Variants in HS2ST1 observed in about 807,000 individuals in gnomAD.
HS2ST1 encodes heparan sulfate 2-O-sulfotransferase 1, also known as 2-O-sulfotransferase.
In HS2ST1, 18 loss-of-function variants were observed where a neutral mutation model predicts 42.9. The observed-to-expected ratio is 0.42, with a 90% CI of 0.29 to 0.62. HS2ST1 has a LOEUF of 0.62. HS2ST1 is among the 20% of genes least tolerant of loss of function. The pLI, the probability that HS2ST1 is intolerant of heterozygous loss-of-function variation, is 0.21. For synonymous variants in HS2ST1, 146 were observed against 152.9 expected (o/e 0.95, Z 0.33); for missense variants, 334 against 433.8 (o/e 0.77, Z 2.04).
intron 1 of HS2ST1, 123 bp downstream of exon 1, chr1:86,915,283 A>T: frequency 9.0e-7 from 1 of 1,115,842 alleles, no homozygotes; most frequent in South Asian, 1.6e-5. Flanking sequence ...GGTTTCAAAG[A>T]GAACCGGGAA....
At chr1:86,998,695 T>G (rs1161922390) in intron 1 of HS2ST1, among the ~76,000 whole-genome samples, 1 of 152,210 alleles carries the variant, frequency 6.6e-6, no homozygotes, top group African/African-American at 2.4e-5. Flanking sequence ...AAATCAGAAT[T>G]TATCTTACTT....
At chr1:87,022,546 T>A (rs1432199523) in intron 1 of HS2ST1, among the ~76,000 whole-genome samples, 1 of 152,114 alleles carries the variant, frequency 6.6e-6, no homozygotes, top group African/African-American at 2.4e-5. Flanking sequence ...AATGGCTAAG[T>A]ACATGAATGG....
At position 86,914,917 on chromosome 1, in the gene HS2ST1, C is replaced by T. The variant is rs970490055; in HGVS notation, c.-120C>T. 3.9e-6 allele frequency: 5 copies of T among 1,275,502 alleles called. No homozygotes were observed. In the African/African-American group the frequency reaches 4.5e-5, roughly 11 times the overall value. 79.0% of individuals were successfully genotyped at this position (1,275,502 alleles called of 1,614,324 possible). On this transcript the variant is annotated 5_prime_UTR_variant, in exon 1 of 7. Coordinates refer to ENST00000370550, the MANE Select transcript of HS2ST1 (RefSeq NM_012262.4). The stretch of plus-strand genomic sequence containing the variant: ...AGGGGGGTCGCTGCGGTGGTTCTCT[C>T]GCTGTCGCTCTCTCTTTGCCTCGCT...
chr1:86,935,971 G>T (rs558038079), intron 1 of HS2ST1, among the ~76,000 whole-genome samples: 3 of 152,116 alleles, frequency 2.0e-5, no homozygotes, highest in Non-Finnish European at 4.4e-5. Flanking sequence ...ATCGATGGTG[G>T]TATGATACTA....
intron 1 of HS2ST1, among the ~76,000 whole-genome samples, chr1:86,933,931 C>T (rs774096315): frequency 8.5e-5 from 13 of 152,116 alleles, no homozygotes; most frequent in East Asian, 1.9e-4. Flanking sequence ...AAGTAGGTTC[C>T]GAGGCTTGTA....
chr1:86,948,407 G>A (rs1309441291), intron 1 of HS2ST1, among the ~76,000 whole-genome samples: 1 of 152,130 alleles, frequency 6.6e-6, no homozygotes, highest in Non-Finnish European at 1.5e-5. Context: ...TCCCACTTCG[G>A]CCTGAGTCTA....
intron 1 of HS2ST1, among the ~76,000 whole-genome samples, chr1:86,942,788 T>G (rs1660790387): frequency 6.6e-6 from 1 of 152,178 alleles, no homozygotes; most frequent in South Asian, 2.1e-4. Flanking sequence ...TTTATACTGT[T>G]TATTTAAAAC....
At chr1:87,003,693 A>G (rs967916725) in intron 1 of HS2ST1, among the ~76,000 whole-genome samples, 5 of 135,652 alleles carry the variant, frequency 3.7e-5, no homozygotes, top group African/African-American at 1.1e-4. Context: ...TTGCTTCTGT[A>G]CTGAAGATGT....
At chr1:86,937,808 G>A (rs1660687696) in intron 1 of HS2ST1, among the ~76,000 whole-genome samples, 1 of 148,538 alleles carries the variant, frequency 6.7e-6, no homozygotes, top group Non-Finnish European at 1.5e-5. Flanking sequence ...ATTTCTTTAG[G>A]TACCTTTATC....
At chr1:86,964,965 A>T (rs967747452) in intron 1 of HS2ST1, among the ~76,000 whole-genome samples, 4 of 152,202 alleles carry the variant, frequency 2.6e-5, no homozygotes, top group African/African-American at 7.2e-5. Context: ...TAGTTTACTC[A>T]TTCTAGATCT....
intron 2 of HS2ST1, among the ~76,000 whole-genome samples, chr1:87,081,970 C>CAAA (rs1041749210): frequency 1.6e-5 from 1 of 62,704 alleles, no homozygotes; most frequent in Non-Finnish European, 3.2e-5. Context: ...GACTCCGTCT[C>CAAA]AAAAAAAAAA....
chr1:86,921,204 G>C (rs1234582172), intron 1 of HS2ST1, among the ~76,000 whole-genome samples: 1 of 152,080 alleles, frequency 6.6e-6, no homozygotes, highest in Non-Finnish European at 1.5e-5. Flanking sequence ...ATGGTGTTTT[G>C]TATTCTTGAT....
At chr1:87,065,788 G>A (rs1051507004) in intron 1 of HS2ST1, among the ~76,000 whole-genome samples, 1 of 152,128 alleles carries the variant, frequency 6.6e-6, no homozygotes, top group African/African-American at 2.4e-5. Flanking sequence ...TGTTATTATT[G>A]CTGATTTCTG....
At chr1:86,997,720 A>AGT (rs1649149815) in intron 1 of HS2ST1, among the ~76,000 whole-genome samples, 2 of 152,192 alleles carry the variant, frequency 1.3e-5, no homozygotes, top group African/African-American at 4.8e-5. Context: ...CTCTATGTGC[A>AGT]GTGTCAGTTA....
chr1:86,954,744 G>T (rs543300963), intron 1 of HS2ST1, among the ~76,000 whole-genome samples: 11 of 152,168 alleles, frequency 7.2e-5, no homozygotes, highest in Admixed American at 3.3e-4. Flanking sequence ...GGAAAAATAG[G>T]ATCAGTATAA....
In HS2ST1 at chr1:87,046,713, G is replaced by C. The variant is rs1217816254; in HGVS notation, c.125-26221G>C. The C allele has an allele frequency of 5.8e-6, 6 of 1,028,516 alleles. No individual in the cohort carries two copies. The African/African-American group carries it at 2.4e-4, about 41-fold the overall frequency. 63.7% of individuals were successfully genotyped at this position (1,028,516 alleles called of 1,614,324 possible). ...CTAGATGTAAAAAGCTGTGCATGTCGATTTTATTTATTTTTGAGATGGAGT... is the reference window on the plus strand; with the variant it reads ...CTAGATGTAAAAAGCTGTGCATGTCCATTTTATTTATTTTTGAGATGGAGT... On this transcript the variant is annotated intron_variant, in intron 1 of 6. Coordinates refer to ENST00000370550, the MANE Select transcript of HS2ST1 (RefSeq NM_012262.4).
At position 86,963,881 on chromosome 1, in the gene HS2ST1, C is replaced by T. The variant is rs373377954; in HGVS notation, c.124+48721C>T. Reference sequence around the variant, plus strand: ...GGACGGGGTGGCTGGCCGGGCGGGGCGGCTGGCCTGGCGGGGGCTGCCCCC... The same window carrying T: ...GGACGGGGTGGCTGGCCGGGCGGGGTGGCTGGCCTGGCGGGGGCTGCCCCC... On this transcript the variant is annotated intron_variant, in intron 1 of 6. Transcript: ENST00000370550. 1.1e-4 allele frequency among the ~76,000 whole-genome samples: 16 copies of T among 148,578 alleles called. No individual in the cohort carries two copies. In the East Asian group the frequency reaches 1.6e-3, roughly 15 times the overall value.
intron 1 of HS2ST1, among the ~76,000 whole-genome samples, chr1:87,024,493 T>G (rs1488855523): frequency 7.1e-6 from 1 of 141,834 alleles, no homozygotes; most frequent in African/African-American, 2.7e-5. Context: ...AGAGTGAGAC[T>G]CCGTCTCAAA....
Position 87,073,011 on chromosome 1 carries a change from T to C in HS2ST1, c.202T>C (p.Leu68=). ...GGATGGCCCTCGGCAAGATGCCACT[T>C]TAGATGAGGAAGAGGACATGGTGAT... ...TMDGPRQDAT[L]DEEEDMVIIY... Residue 68 remains leucine (L), a synonymous_variant, in exon 2 of 7, where the codon TTA becomes CTA. Transcript: ENST00000370550. 1 of 1,614,042 alleles carries C rather than the reference T, an allele frequency of 6.2e-7. No individual in the cohort carries two copies. Among genetic ancestry groups the C allele is most frequent in the Non-Finnish European group, 8.5e-7 (1 of 1,179,982 alleles).
Sources: allele counts gnomAD v4.1 joint callset (sites outside exome capture counted in the v4.1 genomes callset), GRCh38; gene constraint gnomAD v4.1.1; transcripts MANE v1.5; gene names NCBI Gene and HGNC (gene_info 2026-07-23, HGNC 2026-07-21).